Variants in ZMYM2 observed in about 807,000 individuals in gnomAD.
The protein encoded by ZMYM2 is zinc finger MYM-type protein 2.
In ZMYM2, 56 loss-of-function variants were observed where a neutral mutation model predicts 162.8. That is an observed-to-expected ratio of 0.34 (90% CI 0.28 to 0.43). The LOEUF is 0.43. Ranked by LOEUF, ZMYM2 falls within the 20% of genes least tolerant of loss-of-function variation. The pLI is 1.00. For synonymous variants in ZMYM2, 510 were observed against 541.6 expected, an observed-to-expected ratio of 0.94 and a Z score of 0.81; for missense variants, 1,275 against 1,621.8, an observed-to-expected ratio of 0.79 and a Z score of 3.67.
At chr13:19,984,793 C>T (rs908279787) in intron 2 of ZMYM2, among the ~76,000 whole-genome samples, 10 of 152,100 alleles carry the variant, frequency 6.6e-5, no homozygotes, top group Non-Finnish European at 1.3e-4. Context: ...TATTCTGTTT[C>T]GAGAAGTAGA....
At chr13:19,871,673 C>A in the ZMYM2 span, among the ~76,000 whole-genome samples, 13 of 152,086 alleles carry the variant, frequency 8.5e-5, no homozygotes, top group Admixed American at 3.9e-4. Context: ...GAAAAAAAAT[C>A]TCTTTAGCAC....
the ZMYM2 span, among the ~76,000 whole-genome samples, chr13:19,917,698 A>G: frequency 6.6e-6 from 1 of 152,090 alleles, no homozygotes; most frequent in Non-Finnish European, 1.5e-5. Flanking sequence ...TATTTAACTT[A>G]ATACATATGG....
chr13:19,981,098 C>G (rs1338325005), intron 2 of ZMYM2, among the ~76,000 whole-genome samples: 2 of 151,918 alleles, frequency 1.3e-5, no homozygotes, highest in Non-Finnish European at 2.9e-5. Context: ...ATAGGGAGAC[C>G]TCATCTCTAC....
At chr13:19,975,209 C>A (rs1183744721) in intron 2 of ZMYM2, among the ~76,000 whole-genome samples, 5 of 150,826 alleles carry the variant, frequency 3.3e-5, no homozygotes, top group Non-Finnish European at 7.4e-5. Context: ...TAACATAAGA[C>A]CATTTTTTAC....
intron 6 of ZMYM2, among the ~76,000 whole-genome samples, chr13:20,013,162 G>T (rs1265594158): frequency 6.6e-6 from 1 of 152,092 alleles, no homozygotes; most frequent in Admixed American, 6.5e-5. Context: ...GTGGTTTTTA[G>T]TGTACAAGTC....
the ZMYM2 span, among the ~76,000 whole-genome samples, chr13:19,874,586 A>G: frequency 6.6e-6 from 1 of 152,142 alleles, no homozygotes; most frequent in Admixed American, 6.6e-5. Context: ...CTGGATGTCA[A>G]ATCTCTCTTG....
intron 6 of ZMYM2, among the ~76,000 whole-genome samples, chr13:20,010,180 A>G (rs1273887544): frequency 1.3e-5 from 2 of 151,952 alleles, no homozygotes; most frequent in East Asian, 1.9e-4. Flanking sequence ...ACAATGAACA[A>G]TTTTTCTTTG....
chr13:19,993,862 A>G lies in ZMYM2; in HGVS notation c.790A>G (p.Met264Val), dbSNP rs776542422. Residue 264 changes from methionine (M) to valine (V), a missense_variant, in exon 3 of 25, where the codon ATG becomes GTG. Met to Val is a conservative substitution (Grantham distance 21). Around this residue, in one of 10 missense-constraint regions of ZMYM2, gnomAD observed 115 missense variants for 175.3 expected, o/e 0.66. Coordinates refer to ENST00000610343, the MANE Select transcript of ZMYM2 (RefSeq NM_197968.4). ...AGTAGGACCTTTTAATCCTGGTAGA[A>G]TGAATGTGGCAGGAGACGTTTTTCA... ...TGVGPFNPGR[M>V]NVAGDVFQNG... The G allele has an allele frequency of 1.2e-6, 2 of 1,614,026 alleles. No homozygotes were observed. The highest frequency in any genetic ancestry group is 2.2e-5 in the South Asian group (2 of 91,038).
At chr13:19,904,075 C>T in the ZMYM2 span, among the ~76,000 whole-genome samples, 1 of 151,976 alleles carries the variant, frequency 6.6e-6, no homozygotes, top group African/African-American at 2.4e-5. Flanking sequence ...CCTTTGCCTT[C>T]CCATTAAAAA....
the ZMYM2 span, among the ~76,000 whole-genome samples, chr13:19,870,045 C>T: frequency 0.012 from 1,838 of 152,310 alleles, 37 homozygotes; most frequent in African/African-American, 0.04. Flanking sequence ...GGGCTGCAGT[C>T]GTATGAAGGC....
chr13:20,017,328 T>C (rs1005409568), intron 6 of ZMYM2, among the ~76,000 whole-genome samples: 1 of 152,238 alleles, frequency 6.6e-6, no homozygotes, highest in Non-Finnish European at 1.5e-5. Context: ...GCTGTTGTCT[T>C]ACTGTTTCTC....
chr13:19,904,441 C>T, the ZMYM2 span, among the ~76,000 whole-genome samples: 159 of 152,084 alleles, frequency 1.0e-3, no homozygotes, highest in African/African-American at 3.6e-3. Context: ...ACCTGTAATT[C>T]CAGCTACTTG....
upstream of ZMYM2, among the ~76,000 whole-genome samples, chr13:19,957,096 G>C (rs1954567856): frequency 6.6e-6 from 1 of 151,920 alleles, no homozygotes; most frequent in South Asian, 2.1e-4. Context: ...CAATAAAAGA[G>C]AACAGTGTAT....
chr13:19,906,791 G>A, the ZMYM2 span, among the ~76,000 whole-genome samples: 1 of 151,946 alleles, frequency 6.6e-6, no homozygotes, highest in Non-Finnish European at 1.5e-5. Flanking sequence ...GAACTTGCAG[G>A]CTCAAGCAAT....
At chr13:19,991,112 T>TGTGTAC (rs945068451) in intron 2 of ZMYM2, among the ~76,000 whole-genome samples, 3 of 149,954 alleles carry the variant, frequency 2.0e-5, no homozygotes, top group African/African-American at 7.3e-5. Flanking sequence ...TGTGTGTGTG[T>TGTGTAC]GTACGTATGT....
intron 7 of ZMYM2, chr13:20,025,413 T>C (rs950998356): frequency 5.6e-6 from 1 of 178,254 alleles, no homozygotes; most frequent in Admixed American, 6.3e-5. Flanking sequence ...TTTTTTTCTT[T>C]TTGTGGAAGA....
intron 18 of ZMYM2, among the ~76,000 whole-genome samples, chr13:20,064,205 G>C (rs758039028): frequency 6.6e-6 from 1 of 151,738 alleles, no homozygotes; most frequent in African/African-American, 2.4e-5. Flanking sequence ...AATTTTTCTG[G>C]TATCATACAT....
chr13:19,882,664 C>T, the ZMYM2 span, among the ~76,000 whole-genome samples: 10 of 152,182 alleles, frequency 6.6e-5, no homozygotes, highest in African/African-American at 2.2e-4. Context: ...GGAGGATCAC[C>T]TGAGCCCAGT....
chr13:20,088,388 G>A lies in ZMYM2; in HGVS notation c.*2374G>A, dbSNP rs1396074100. 4.9e-6 allele frequency: 1 copy of A among 202,340 alleles called. No homozygotes were observed. 12.5% of individuals were successfully genotyped at this position (202,340 alleles called of 1,614,324 possible). ...TGCTTCTAGGTGATCTCTGATTATA[G>A]ATAGCATCCTGTAAATATAACTTTA... is the stretch of plus-strand genomic sequence containing the variant. On this transcript the variant is annotated 3_prime_UTR_variant, in exon 25 of 25. Transcript: ENST00000610343.
Sources: gnomAD v4.1 joint callset for allele counts (sites outside exome capture counted in the v4.1 genomes callset) on GRCh38, gnomAD v4.1.1 for gene constraint, gnomAD v4.1.1 regional missense constraint, MANE v1.5 for transcripts, NCBI Gene and HGNC (gene_info 2026-07-23, HGNC 2026-07-21) for gene names.